HPSE2: variants seen among roughly 807,000 people sequenced by gnomAD.
HPSE2 encodes inactive heparanase-2.
In HPSE2, 38 loss-of-function variants were observed where a neutral mutation model predicts 60.5. The observed-to-expected ratio is 0.63, with a 90% CI of 0.48 to 0.82. HPSE2 has a LOEUF of 0.82. HPSE2 is among the 40% of genes least tolerant of loss of function. HPSE2 has a pLI of 0.00. For synonymous variants in HPSE2, 295 were observed against 293.2 expected, an observed-to-expected ratio of 1.01 and a Z score of -0.06; for missense variants, 713 against 740.4, an observed-to-expected ratio of 0.96 and a Z score of 0.43.
intron 3 of HPSE2, among the ~76,000 whole-genome samples, chr10:98,984,257 G>A (rs2135311229): frequency 6.6e-6 from 1 of 152,304 alleles, no homozygotes; most frequent in East Asian, 1.9e-4. Flanking sequence ...GGGGCAGACT[G>A]ACACCTCACA....
At chr10:99,097,703 T>C (rs1292329881) in intron 3 of HPSE2, among the ~76,000 whole-genome samples, 1 of 152,206 alleles carries the variant, frequency 6.6e-6, no homozygotes, top group Non-Finnish European at 1.5e-5. Flanking sequence ...CAGCAAGATT[T>C]TACAATTTTT....
the HPSE2 span, among the ~76,000 whole-genome samples, chr10:99,297,136 C>T: frequency 5.3e-5 from 8 of 151,890 alleles, no homozygotes; most frequent in South Asian, 1.5e-3. Flanking sequence ...CCCACCGCAG[C>T]CTGGTGGGTT....
intron 7 of HPSE2, among the ~76,000 whole-genome samples, chr10:98,634,400 C>T (rs1236368504): frequency 1.3e-5 from 2 of 151,962 alleles, no homozygotes. Context: ...CTGTTCTTAC[C>T]CTAGTAATGT....
chr10:99,016,091 C>A (rs1308555945), intron 3 of HPSE2, among the ~76,000 whole-genome samples: 1 of 152,136 alleles, frequency 6.6e-6, no homozygotes, highest in Non-Finnish European at 1.5e-5. Flanking sequence ...CTTTTGGCAT[C>A]TTCATCATGA....
chr10:98,596,098 T>G (rs1945228386), intron 9 of HPSE2, among the ~76,000 whole-genome samples: 1 of 152,206 alleles, frequency 6.6e-6, no homozygotes, highest in Non-Finnish European at 1.5e-5. Context: ...TTGAATTTGG[T>G]TTGCCAGTAT....
At chr10:99,136,412 C>T (rs973170744) in intron 3 of HPSE2, among the ~76,000 whole-genome samples, 1 of 152,146 alleles carries the variant, frequency 6.6e-6, no homozygotes, top group Non-Finnish European at 1.5e-5. Flanking sequence ...CATCCTGATA[C>T]CAAAGCCTGG....
rs566206732 is a variant in HPSE2 at position 98,518,519 on chromosome 10, A to T, written c.1321-28323T>A. 2.6e-5 allele frequency among the ~76,000 whole-genome samples: 4 copies of T among 152,254 alleles called. No homozygotes were observed. In the South Asian group the frequency reaches 6.2e-4, roughly 24 times the overall value. ...TCAGGAATTCGAGACCAACCTGGCC[A>T]ATATGGTAAAACCCCATCTCTACTA... On this transcript the variant is annotated intron_variant, in intron 9 of 11. Coordinates refer to ENST00000370552, the MANE Select transcript of HPSE2 (RefSeq NM_021828.5).
At chr10:99,046,028 C>T (rs1957847321) in intron 3 of HPSE2, among the ~76,000 whole-genome samples, 1 of 151,952 alleles carries the variant, frequency 6.6e-6, no homozygotes, top group African/African-American at 2.4e-5. Context: ...GGCAGGAACA[C>T]AGTGAAAAAA....
rs182920596 is a variant in HPSE2, at chr10:99,151,936, G to C, written c.449-7537C>G. On this transcript the variant is annotated intron_variant, in intron 2 of 11. Transcript: ENST00000370552. ...ATCTCATAAATAAATAGCGCTAAAA[G>C]AAAACTTCTGACAACCAATAATTCT... Among the ~76,000 whole-genome samples the C allele has an allele frequency of 1.5e-3, 230 of 151,602 alleles. 3 individuals are homozygous for C. In the Middle Eastern group the frequency reaches 0.024, roughly 16 times the overall value.
chr10:98,703,453 A>G (rs561209480), intron 5 of HPSE2, among the ~76,000 whole-genome samples: 1 of 144,084 alleles, frequency 6.9e-6, no homozygotes, highest in East Asian at 2.2e-4. Context: ...TCATCCTGAT[A>G]CCAGAACCTG....
At chr10:98,669,018 T>A (rs1165045555) in intron 6 of HPSE2, among the ~76,000 whole-genome samples, 1 of 152,184 alleles carries the variant, frequency 6.6e-6, no homozygotes, top group Non-Finnish European at 1.5e-5. Flanking sequence ...ATCCAGAATC[T>A]ATAAGGAACT....
intron 5 of HPSE2, among the ~76,000 whole-genome samples, chr10:98,701,764 A>G (rs1285346183): frequency 6.6e-6 from 1 of 152,108 alleles, no homozygotes; most frequent in Non-Finnish European, 1.5e-5. Context: ...ATGCTGAGGG[A>G]TTTTGTCACC....
At chr10:99,064,665 A>G (rs1257478951) in intron 3 of HPSE2, among the ~76,000 whole-genome samples, 1 of 151,770 alleles carries the variant, frequency 6.6e-6, no homozygotes, top group Non-Finnish European at 1.5e-5. Flanking sequence ...TTCCTTCTTA[A>G]CATTTAAAAG....
rs867586143 is a variant in HPSE2 at position 99,020,006 on chromosome 10, C to T, written c.610+124232G>A. Among the ~76,000 whole-genome samples the T allele has an allele frequency of 4.6e-5, 7 of 152,148 alleles. No homozygotes were observed. In the South Asian group the frequency reaches 8.3e-4, roughly 18 times the overall value. On this transcript the variant is annotated intron_variant, in intron 3 of 11. Coordinates refer to ENST00000370552, the MANE Select transcript of HPSE2 (RefSeq NM_021828.5). ...GGATTACAGGTGTGAGCCACCGCAC[C>T]GAGCCTATTCAGTTTTATACTAAAG...
chr10:98,751,191 C>T (rs565112758), intron 3 of HPSE2, among the ~76,000 whole-genome samples: 1 of 152,152 alleles, frequency 6.6e-6, no homozygotes, highest in Non-Finnish European at 1.5e-5. Flanking sequence ...AGACGATTAA[C>T]ATTTTCTTCA....
At chr10:98,989,334 A>G (rs975603567) in intron 3 of HPSE2, among the ~76,000 whole-genome samples, 10 of 152,202 alleles carry the variant, frequency 6.6e-5, no homozygotes, top group African/African-American at 9.7e-5. Context: ...TGATGAGTTC[A>G]TGTCCTTTGT....
Position 98,852,113 on chromosome 10 carries a change from A to ATATG in HPSE2, c.611-108058_611-108057insCATA, listed in dbSNP as rs779720749. Among the ~76,000 whole-genome samples the ATATG allele has an allele frequency of 6.3e-3, 582 of 91,864 alleles. 6 individuals are homozygous for ATATG. Among genetic ancestry groups the ATATG allele is most frequent in the East Asian group, 0.026 (68 of 2,622 alleles). 60.3% of individuals were successfully genotyped at this position (91,864 alleles called of 152,430 possible). ...GGTTTTGCAAACCTTGTATATTATG[A>ATATG]TGTGTGTGTGTGTGTGTGTGTGTGT... On this transcript the variant is annotated intron_variant, in intron 3 of 11. Coordinates refer to ENST00000370552, the MANE Select transcript of HPSE2 (RefSeq NM_021828.5).
chr10:99,014,320 G>A (rs1280729745), intron 3 of HPSE2, among the ~76,000 whole-genome samples: 2 of 152,330 alleles, frequency 1.3e-5, no homozygotes, highest in East Asian at 1.9e-4. Flanking sequence ...ATTCCATGGT[G>A]TATATGTATG....
intron 3 of HPSE2, among the ~76,000 whole-genome samples, chr10:98,935,601 G>A (rs1356022978): frequency 6.9e-6 from 1 of 144,168 alleles, no homozygotes; most frequent in Admixed American, 6.9e-5. Context: ...TGTTTGCCAG[G>A]GTATCACCAG....
Sources: gnomAD v4.1 joint callset for allele counts (sites outside exome capture counted in the v4.1 genomes callset) on GRCh38, gnomAD v4.1.1 for gene constraint, MANE v1.5 for transcripts, NCBI Gene and HGNC (gene_info 2026-07-23, HGNC 2026-07-21) for gene names.